Variants in MAGI1 observed in about 807,000 individuals in gnomAD.
MAGI1 encodes membrane-associated guanylate kinase, WW and PDZ domain-containing protein 1.
Under a neutral mutation model 139.9 loss-of-function variants are expected in MAGI1, and 58 were observed. The observed-to-expected ratio is 0.41, with a 90% CI of 0.34 to 0.52. The LOEUF (loss-of-function observed/expected upper bound fraction) is 0.52. Ranked by LOEUF, MAGI1 falls within the 20% of genes least tolerant of loss-of-function variation. The pLI, the probability that MAGI1 is intolerant of heterozygous loss-of-function variation, is 0.12. For missense variants in MAGI1, 1,874 were observed against 1,901.6 expected, an observed-to-expected ratio of 0.99 and a Z score of 0.27; for synonymous variants, 812 against 737.9, an observed-to-expected ratio of 1.10 and a Z score of -1.63.
chr3:66,011,674 T>C (rs964445688), intron 1 of MAGI1, among the ~76,000 whole-genome samples: 1 of 152,128 alleles, frequency 6.6e-6, no homozygotes, highest in Non-Finnish European at 1.5e-5. Flanking sequence ...CAGAGCTTCC[T>C]GCAGGTCGGC....
At chr3:65,936,660 T>C (rs1171281513) in intron 1 of MAGI1, among the ~76,000 whole-genome samples, 2 of 152,022 alleles carry the variant, frequency 1.3e-5, no homozygotes, top group African/African-American at 4.8e-5. Flanking sequence ...TACATTTTAA[T>C]ATGTTAGTTA....
At chr3:66,023,634 G>A (rs1199096442) in intron 1 of MAGI1, among the ~76,000 whole-genome samples, 1 of 152,180 alleles carries the variant, frequency 6.6e-6, no homozygotes, top group Non-Finnish European at 1.5e-5. Flanking sequence ...GTCCACTCCT[G>A]GGGTAAAGGT....
intron 1 of MAGI1, chr3:65,844,079 A>G: frequency 4.1e-6 from 2 of 483,876 alleles, no homozygotes; most frequent in South Asian, 3.1e-5. Flanking sequence ...CCAAAGCTAC[A>G]ACAGTGGAGT....
intron 2 of MAGI1, among the ~76,000 whole-genome samples, chr3:65,543,518 T>C (rs1004008146): frequency 2.0e-5 from 3 of 152,144 alleles, no homozygotes; most frequent in Non-Finnish European, 2.9e-5. Context: ...CCATCAATGA[T>C]AGACTGGATA....
chr3:65,580,346 G>A (rs767343592), intron 2 of MAGI1, among the ~76,000 whole-genome samples: 74 of 148,110 alleles, frequency 5.0e-4, no homozygotes, highest in Non-Finnish European at 7.3e-4. Flanking sequence ...AAGTAATCTC[G>A]CATCTTGCTT....
chr3:65,755,430 A>G (rs1399225440), intron 1 of MAGI1, among the ~76,000 whole-genome samples: 1 of 152,106 alleles, frequency 6.6e-6, no homozygotes, highest in Non-Finnish European at 1.5e-5. Flanking sequence ...ATATCAGAAT[A>G]TTCACTCAAG....
Position 65,811,927 on chromosome 3 carries a change from C to CGTGTGT in MAGI1, c.314-189845_314-189840dup, listed in dbSNP as rs71102883. ...AATTTTTAAATCTTTTGTATGTTTA[C>CGTGTGT]GTGTGTGTGTGTGTGTGTGTGTGTG... On this transcript the variant is annotated intron_variant, in intron 1 of 22. Transcript: ENST00000402939. Among the ~76,000 whole-genome samples, 154 of 148,440 alleles carry CGTGTGT rather than the reference C, an allele frequency of 1.0e-3. 4 individuals are homozygous for CGTGTGT. In the South Asian group the frequency reaches 0.021, roughly 20 times the overall value.
At chr3:65,451,200 G>A (rs1949012442) in intron 6 of MAGI1, among the ~76,000 whole-genome samples, 1 of 152,054 alleles carries the variant, frequency 6.6e-6, no homozygotes, top group South Asian at 2.1e-4. Flanking sequence ...TTCACTCTAT[G>A]TACAGTTTTT....
At position 65,357,113 on chromosome 3, in the gene MAGI1, G is replaced by T. The variant is rs199590961; in HGVS notation, c.3654C>A (p.His1218Gln). The stretch of plus-strand genomic sequence containing the variant: ...CACCTTGTGGACCGGTGGCGGGGCC[G>T]TGGCGGTCGCTGCTGGGGTCTGCCA... ...VPEYDPSSDR[H>Q]GPATGPQGVP... is the part of the protein sequence containing the mutation. Residue 1218 changes from histidine (H) to glutamine (Q), a missense_variant, in exon 23 of 23, where the codon CAC (histidine) becomes CAA (glutamine). By Grantham distance (24) the His-to-Gln change is conservative. Coordinates refer to ENST00000402939, the MANE Select transcript of MAGI1 (RefSeq NM_001033057.2). 178 of 1,612,018 alleles carry T rather than the reference G, an allele frequency of 1.1e-4. No individual in the cohort carries two copies. The highest frequency in any genetic ancestry group is 8.3e-4 in the Middle Eastern group (5 of 6,046).
intron 3 of MAGI1, among the ~76,000 whole-genome samples, chr3:65,488,833 A>T (rs1951796653): frequency 6.6e-6 from 1 of 151,506 alleles, no homozygotes; most frequent in African/African-American, 2.4e-5. Flanking sequence ...CACCGTGCCC[A>T]GCTCATTTTT....
At chr3:65,759,030 C>CACA (rs1310590636) in intron 1 of MAGI1, among the ~76,000 whole-genome samples, 1 of 133,760 alleles carries the variant, frequency 7.5e-6, no homozygotes, top group African/African-American at 2.9e-5. Context: ...TTTTCTTTAC[C>CACA]ACAGCCCCAG....
intron 1 of MAGI1, among the ~76,000 whole-genome samples, chr3:65,905,088 T>C (rs2061383035): frequency 6.6e-6 from 1 of 152,200 alleles, no homozygotes; most frequent in Non-Finnish European, 1.5e-5. Context: ...ATAACACTAA[T>C]ACTGATGCCT....
chr3:65,616,435 G>A (rs1440626426), intron 2 of MAGI1, among the ~76,000 whole-genome samples: 4 of 152,202 alleles, frequency 2.6e-5, no homozygotes, highest in African/African-American at 9.6e-5. Flanking sequence ...AGATCCTTAA[G>A]AGTTGTACTT....
chr3:65,449,506 G>A (rs1025224545), intron 6 of MAGI1, among the ~76,000 whole-genome samples: 10 of 152,144 alleles, frequency 6.6e-5, no homozygotes, highest in Non-Finnish European at 8.8e-5. Flanking sequence ...CAGGCGTGGT[G>A]TCTCATGCCT....
In MAGI1 at chr3:65,723,697, C is replaced by T. The variant is rs571995980; in HGVS notation, c.314-101609G>A. ...ACACATATGCTCCTCTTAAACAGTA[C>T]ATTCTCATTAACTTCAGAAAGTTAA... On this transcript the variant is annotated intron_variant, in intron 1 of 22. Transcript: ENST00000402939. Among the ~76,000 whole-genome samples the T allele has an allele frequency of 6.6e-5, 10 of 152,338 alleles. No individual in the cohort carries two copies. The South Asian group carries it at 1.9e-3, about 28-fold the overall frequency.
intron 2 of MAGI1, among the ~76,000 whole-genome samples, chr3:65,501,004 A>G (rs572605780): frequency 6.6e-6 from 1 of 152,350 alleles, no homozygotes; most frequent in East Asian, 1.9e-4. Context: ...ATAGAGCTAG[A>G]GCACAGTAGA....
In MAGI1 at chr3:65,783,519, C is replaced by T. The variant is rs117913786; in HGVS notation, c.314-161431G>A. On this transcript the variant is annotated intron_variant, in intron 1 of 22. Coordinates refer to ENST00000402939, the MANE Select transcript of MAGI1 (RefSeq NM_001033057.2). ...AAAAAAATTTGTCTTGAGACAGGGT[C>T]TCACTCTGTCACCACCCAGGCTGGA... Among the ~76,000 whole-genome samples, 64 of 152,086 alleles carry T rather than the reference C, an allele frequency of 4.2e-4. No individual in the cohort carries two copies. In the East Asian group the frequency reaches 0.012, roughly 29 times the overall value.
chr3:65,410,779 C>CA (rs200364268), intron 12 of MAGI1, among the ~76,000 whole-genome samples: 2,491 of 152,244 alleles, frequency 0.016, 72 homozygotes, highest in African/African-American at 0.056. Context: ...TTCAAGGCTA[C>CA]ACATGCTAAA....
chr3:65,546,006 A>G (rs1158928631), intron 2 of MAGI1, among the ~76,000 whole-genome samples: 2 of 145,864 alleles, frequency 1.4e-5, no homozygotes, highest in African/African-American at 5.2e-5. Flanking sequence ...ACACACACAC[A>G]CACACACACT....
Sources: gnomAD v4.1 joint callset for allele counts (sites outside exome capture counted in the v4.1 genomes callset) on GRCh38, gnomAD v4.1.1 for gene constraint, MANE v1.5 for transcripts, NCBI Gene and HGNC (gene_info 2026-07-23, HGNC 2026-07-21) for gene names.